The following GZMK variants were observed in gnomAD, a reference collection of about 807,000 sequenced individuals.
The protein encoded by GZMK is NK-Tryp-2.
Under a neutral mutation model 22.8 loss-of-function variants are expected in GZMK, and 18 were observed. The ratio of observed to expected loss-of-function variants is 0.79; its 90% CI spans 0.54 to 1.17. The LOEUF (loss-of-function observed/expected upper bound fraction) is 1.17, where lower values mean the gene tolerates loss of function less well. Among genes scored for constraint, GZMK ranks in the 50% most tolerant of loss-of-function variants. The pLI is 0.00. For synonymous variants in GZMK, 136 were observed against 115.0 expected (o/e 1.18, Z -1.17); for missense variants, 342 against 320.2 (o/e 1.07, Z -0.52).
intron 2 of GZMK, chr5:55,028,635 T>C (rs915313195): frequency 6.6e-6 from 1 of 152,246 alleles, no homozygotes; most frequent in Non-Finnish European, 1.5e-5. Context: ...TTTATTAATC[T>C]ATATGCATGA....
In GZMK at chr5:55,033,815, C is replaced by T. The variant is rs771589988; in HGVS notation, c.684C>T (p.Val228=). ...GTAAAGGTGTCTTCCACGCTATAGT[C>T]TCTGGAGGTCATGAATGTGGTGTTG... ...LICKGVFHAI[V]SGGHECGVAT... Residue 228 remains valine (V), a synonymous_variant, in exon 5 of 5, where the codon GTC becomes GTT. Coordinates refer to ENST00000231009, the MANE Select transcript of GZMK (RefSeq NM_002104.3). 6.2e-6 allele frequency: 10 copies of T among 1,613,810 alleles called. No homozygotes were observed. The South Asian group carries it at 1.1e-4, about 18-fold the overall frequency.
chr5:55,033,912 C>A lies in GZMK; in HGVS notation c.781C>A (p.Pro261Thr). The change falls in exon 5 of 5, where the codon CCT becomes ACT. Residue 261 changes from proline to threonine, a missense_variant. Transcript: ENST00000231009. ...TTGGATCAAAAGCAACCTTGTCCCG[C>A]CTCATACAAATTAAGTTACAAATAA... ...QTWIKSNLVP[P>T]HTN 1 of 1,596,864 alleles carries A rather than the reference C, an allele frequency of 6.3e-7. No individual in the cohort carries two copies. The highest frequency in any genetic ancestry group is 8.5e-7 in the Non-Finnish European group (1 of 1,175,590).
At chr5:55,028,850 T>A (rs989892670) in intron 2 of GZMK, among the ~76,000 whole-genome samples, 2 of 152,252 alleles carry the variant, frequency 1.3e-5, no homozygotes, top group African/African-American at 4.8e-5. Flanking sequence ...ATCACTGCTG[T>A]AAATGTAATT....
At chr5:55,031,296 A>T in intron 3 of GZMK, 68 bp from the exon 4 acceptor site, 1 of 1,355,294 alleles carries the variant, frequency 7.4e-7, no homozygotes, top group Non-Finnish European at 1.0e-6. Context: ...GACCACACAT[A>T]CGACGCACAG....
chr5:55,024,925 C>T (rs950871539), intron 2 of GZMK, 118 bp downstream of exon 2: 53 of 605,988 alleles, frequency 8.7e-5, no homozygotes, highest in African/African-American at 5.6e-4. Flanking sequence ...TGGTTACTGA[C>T]CAACTGGTGG....
chr5:55,028,805 T>A (rs1218198636), intron 2 of GZMK, among the ~76,000 whole-genome samples: 1 of 152,238 alleles, frequency 6.6e-6, no homozygotes, highest in Non-Finnish European at 1.5e-5. Flanking sequence ...GGCTCTACGG[T>A]TCTGCCAAAA....
chr5:55,029,760 T>C (rs556801052), intron 2 of GZMK, among the ~76,000 whole-genome samples: 20 of 152,274 alleles, frequency 1.3e-4, no homozygotes, highest in African/African-American at 4.6e-4. Context: ...CTCACTGTAT[T>C]GCCCAGGTTT....
intron 2 of GZMK, among the ~76,000 whole-genome samples, chr5:55,026,455 T>C (rs1741145220): frequency 6.6e-6 from 1 of 152,038 alleles, no homozygotes; most frequent in South Asian, 2.1e-4. Context: ...CTAAATATCA[T>C]TTTAAATGGC....
intron 2 of GZMK, among the ~76,000 whole-genome samples, chr5:55,028,868 A>G (rs1359967236): frequency 3.9e-5 from 6 of 152,250 alleles, no homozygotes; most frequent in Admixed American, 3.9e-4. Flanking sequence ...ATTTTATCCA[A>G]CAAAGAGTAA....
intron 4 of GZMK, among the ~76,000 whole-genome samples, chr5:55,032,243 C>T (rs958973752): frequency 2.0e-5 from 3 of 152,184 alleles, no homozygotes; most frequent in Non-Finnish European, 2.9e-5. Flanking sequence ...ACTCTAATCT[C>T]ACATGGTAGA....
rs1398379383 is a variant in GZMK at position 55,031,617 on chromosome 5, A to G, written c.617A>G (p.Gln206Arg). The change falls in exon 4 of 5, where the codon CAG becomes CGG. Residue 206 changes from glutamine (Q) to arginine (R), a missense_variant. Gln to Arg is a conservative substitution (Grantham distance 43). Coordinates refer to ENST00000231009, the MANE Select transcript of GZMK (RefSeq NM_002104.3). ...DMVCAGDAKG[Q>R]KDSCKGDSGG... The stretch of plus-strand genomic sequence containing the variant: ...GTCTGTGCAGGAGATGCCAAAGGCC[A>G]GAAGGATTCCTGTAAGGTAAGAATC... 2 of 1,613,376 alleles carry G rather than the reference A, an allele frequency of 1.2e-6. No homozygotes were observed. The highest frequency in any genetic ancestry group is 1.3e-5 in the African/African-American group (1 of 75,044).
chr5:55,029,191 C>T (rs750417891), intron 2 of GZMK, among the ~76,000 whole-genome samples: 31 of 151,736 alleles, frequency 2.0e-4, no homozygotes, highest in Non-Finnish European at 3.8e-4. Flanking sequence ...GCCGAGATGG[C>T]GCCACTGAAC....
At chr5:55,031,918 T>C (rs1279554884) in intron 4 of GZMK, among the ~76,000 whole-genome samples, 1 of 152,222 alleles carries the variant, frequency 6.6e-6, no homozygotes, top group Non-Finnish European at 1.5e-5. Context: ...AGAGGTGTTA[T>C]CCTCCTTACA....
In GZMK at chr5:55,024,689, G is replaced by T; in HGVS notation, c.94G>T (p.Glu32Ter). 1 of 1,608,478 alleles carries T rather than the reference G, an allele frequency of 6.2e-7. No homozygotes were observed. Among genetic ancestry groups the T allele is most frequent in the Non-Finnish European group, 8.5e-7 (1 of 1,175,294 alleles). Residue 32 changes from glutamate to a stop codon, truncating the protein, a stop_gained, in exon 2 of 5, where the codon GAA becomes TAA. Coordinates refer to ENST00000231009, the MANE Select transcript of GZMK (RefSeq NM_002104.3). LOFTEE classifies it high-confidence loss of function. ...CAATATGGAAATTATTGGAGGGAAA[G>T]AAGTGTCACCTCATTCCAGGCCATT... ...CFNMEIIGGK[E>*]VSPHSRPFMA...
In GZMK at chr5:55,031,500, C is replaced by A. The variant is rs1339860825; in HGVS notation, c.500C>A (p.Thr167Asn). The A allele has an allele frequency of 1.2e-6, 2 of 1,614,112 alleles. No individual in the cohort carries two copies. The highest frequency in any genetic ancestry group is 2.2e-5 in the South Asian group (2 of 91,082). Residue 167 changes from threonine to asparagine, a missense_variant, in exon 4 of 5, where the codon ACC becomes AAC. Physicochemically the swap from Thr to Asn is moderately conservative, Grantham distance 65. Transcript: ENST00000231009. ...CCAGATTCATTAAGACCTTCTGACACCCTGCGAGAAGTCACTGTTACTGTC... is the reference window on the plus strand; with the variant it reads ...CCAGATTCATTAAGACCTTCTGACAACCTGCGAGAAGTCACTGTTACTGTC... ...TDPDSLRPSDTLREVTVTVLS... is the reference protein window; with the variant it reads ...TDPDSLRPSDNLREVTVTVLS...
intron 4 of GZMK, 109 bp downstream of exon 4, chr5:55,031,742 C>A: frequency 1.3e-6 from 1 of 760,346 alleles, no homozygotes. Context: ...TACAAAACCA[C>A]AATTCTAAAC....
At chr5:55,030,227 G>A in intron 2 of GZMK, 1 of 464,638 alleles carries the variant, frequency 2.2e-6, no homozygotes, top group Non-Finnish European at 3.8e-6. Context: ...AATTGGTTTA[G>A]GGTGGGATTA....
Position 55,031,640 on chromosome 5 carries a change from ATC to A in GZMK, c.633+13_633+14del. On this transcript the variant is annotated splice_region_variant and intron_variant, in intron 4 of 4. Coordinates refer to ENST00000231009, the MANE Select transcript of GZMK (RefSeq NM_002104.3). ...CCAGAAGGATTCCTGTAAGGTAAGA[ATC>A]TCTCTTTCAAACAGGCATCTTGGAG... 2 of 1,609,438 alleles carry A rather than the reference ATC, an allele frequency of 1.2e-6. No individual in the cohort carries two copies. Among genetic ancestry groups the A allele is most frequent in the Non-Finnish European group, 1.7e-6 (2 of 1,176,520 alleles).
rs768496929 is a variant in GZMK at position 55,030,536 on chromosome 5, C to T, written c.315C>T (p.Phe105=). 6.8e-6 allele frequency: 11 copies of T among 1,611,596 alleles called. No homozygotes were observed. In the East Asian group the frequency reaches 2.0e-4, roughly 29 times the overall value. The part of the protein sequence containing the change: ...QTLEIKKFIP[F]SRVTSDPQSN... Reference sequence around the variant, plus strand: ...TGGAGATCAAAAAATTTATACCATTCTCAAGAGTTACATCAGATCCTCAAT... The same window carrying T: ...TGGAGATCAAAAAATTTATACCATTTTCAAGAGTTACATCAGATCCTCAAT... The change falls in exon 3 of 5, where the codon TTC becomes TTT. Residue 105 remains phenylalanine (F), a synonymous_variant. Transcript: ENST00000231009.
Sources: allele counts gnomAD v4.1 joint callset (sites outside exome capture counted in the v4.1 genomes callset), GRCh38; gene constraint gnomAD v4.1.1; transcripts MANE v1.5; gene names NCBI Gene and HGNC (gene_info 2026-07-23, HGNC 2026-07-21).